The following ADAM10 variants were observed in gnomAD, a reference collection of about 807,000 sequenced individuals.
The protein encoded by ADAM10 is disintegrin and metalloproteinase domain-containing protein 10.
A neutral mutation model predicts 90.1 loss-of-function variants in ADAM10; 17 were observed. That is an observed-to-expected ratio of 0.19 (90% CI 0.13 to 0.28). The LOEUF (loss-of-function observed/expected upper bound fraction) is 0.28, where lower values mean the gene tolerates loss of function less well. ADAM10 is among the 10% of genes least tolerant of loss of function. ADAM10 has a pLI of 1.00. For missense variants in ADAM10, 610 were observed against 914.3 expected (o/e 0.67, Z 4.29); for synonymous variants, 310 against 298.6 (o/e 1.04, Z -0.40).
At chr15:58,648,028 T>G (rs570567004) in intron 5 of ADAM10, among the ~76,000 whole-genome samples, 2 of 152,192 alleles carry the variant, frequency 1.3e-5, no homozygotes, top group African/African-American at 4.8e-5. Context: ...AATAATTCCA[T>G]GTGAACATAC....
Position 58,681,101 on chromosome 15 carries a change from C to T in ADAM10, c.325+1095G>A, listed in dbSNP as rs570168843. Among the ~76,000 whole-genome samples the T allele has an allele frequency of 2.6e-5, 4 of 152,292 alleles. No individual in the cohort carries two copies. The South Asian group carries it at 8.3e-4, about 32-fold the overall frequency. Reference sequence around the variant, plus strand: ...ACTGGGATTACAGGTGTAACTGCTACCATGCCTGGCCTAAATAACATGATT... The same window carrying T: ...ACTGGGATTACAGGTGTAACTGCTATCATGCCTGGCCTAAATAACATGATT... On this transcript the variant is annotated intron_variant, in intron 3 of 15. Coordinates refer to ENST00000260408, the MANE Select transcript of ADAM10 (RefSeq NM_001110.4).
chr15:58,703,079 A>G (rs751845599), intron 2 of ADAM10, among the ~76,000 whole-genome samples: 144 of 152,142 alleles, frequency 9.5e-4, no homozygotes, highest in Non-Finnish European at 1.5e-3. Context: ...CTGTTGGATA[A>G]CATGTCATGA....
chr15:58,598,146 C>T (rs533022698), intron 15 of ADAM10, among the ~76,000 whole-genome samples: 3 of 152,248 alleles, frequency 2.0e-5, no homozygotes, highest in South Asian at 2.1e-4. Context: ...TGATAATTAA[C>T]GTATATAGCC....
At chr15:58,672,784 AG>A in intron 4 of ADAM10, 1 of 109,758 alleles carries the variant, frequency 9.1e-6, no homozygotes, top group Non-Finnish European at 1.7e-5. Context: ...GGCCTCATGC[AG>A]CAAAAAAAAA....
intron 10 of ADAM10, among the ~76,000 whole-genome samples, chr15:58,623,244 CA>C (rs1895841749): frequency 6.6e-6 from 1 of 152,176 alleles, no homozygotes; most frequent in South Asian, 2.1e-4. Context: ...CAAACATATG[CA>C]CTCACATCAG....
chr15:58,689,295 G>A (rs549417280), intron 2 of ADAM10, among the ~76,000 whole-genome samples: 38 of 152,236 alleles, frequency 2.5e-4, no homozygotes, highest in South Asian at 6.2e-4. Flanking sequence ...AGACCAGCCT[G>A]GGCAACATGG....
At chr15:58,734,773 A>C (rs1257451523) in intron 1 of ADAM10, among the ~76,000 whole-genome samples, 2 of 152,098 alleles carry the variant, frequency 1.3e-5, no homozygotes, top group African/African-American at 4.8e-5. Context: ...CCTTTCAAAA[A>C]CTAAACTGAC....
chr15:58,696,684 C>T (rs769893352), intron 2 of ADAM10, among the ~76,000 whole-genome samples: 1 of 152,034 alleles, frequency 6.6e-6, no homozygotes, highest in Non-Finnish European at 1.5e-5. Flanking sequence ...AGGCTAGTCT[C>T]GAACTCCTGA....
chr15:58,692,877 C>A, intron 2 of ADAM10: 1 of 679,902 alleles, frequency 1.5e-6, no homozygotes, highest in Non-Finnish European at 2.8e-6. Flanking sequence ...CAGTACCAGA[C>A]TTGGCAATGG....
intron 2 of ADAM10, among the ~76,000 whole-genome samples, chr15:58,707,588 G>GTC (rs1277147359): frequency 6.6e-6 from 1 of 152,070 alleles, no homozygotes. Context: ...GAACAACAAC[G>GTC]TGAGTCTCAC....
intron 1 of ADAM10, among the ~76,000 whole-genome samples, chr15:58,731,301 T>C (rs1273387367): frequency 6.6e-6 from 1 of 152,074 alleles, no homozygotes; most frequent in Non-Finnish European, 1.5e-5. Flanking sequence ...TTAAGTATTA[T>C]AAGAAATCTG....
At chr15:58,736,083 G>A (rs1197875282) in intron 1 of ADAM10, among the ~76,000 whole-genome samples, 1 of 152,012 alleles carries the variant, frequency 6.6e-6, no homozygotes, top group Non-Finnish European at 1.5e-5. Context: ...TCTATTTGAT[G>A]GATGATTAAT....
intron 5 of ADAM10, among the ~76,000 whole-genome samples, chr15:58,654,280 T>C (rs1896758153): frequency 1.3e-5 from 2 of 152,238 alleles, no homozygotes; most frequent in Admixed American, 6.5e-5. Flanking sequence ...GCATTGTTAG[T>C]GCATTTATTT....
chr15:58,641,331 T>C (rs1026081622), intron 7 of ADAM10, among the ~76,000 whole-genome samples: 1 of 152,206 alleles, frequency 6.6e-6, no homozygotes, highest in Admixed American at 6.5e-5. Flanking sequence ...TCTCCTTTAG[T>C]CCTAATCTCC....
chr15:58,652,605 T>C (rs1452220768), intron 5 of ADAM10, among the ~76,000 whole-genome samples: 1 of 152,208 alleles, frequency 6.6e-6, no homozygotes, highest in Non-Finnish European at 1.5e-5. Context: ...CGTGTCTGTT[T>C]TCATGCCAGT....
intron 2 of ADAM10, among the ~76,000 whole-genome samples, chr15:58,707,083 G>T (rs1487792788): frequency 4.0e-5 from 2 of 49,946 alleles, no homozygotes; most frequent in Middle Eastern, 9.3e-3. Flanking sequence ...ATAAACTTTG[G>T]GGGGGGGAAA....
chr15:58,661,441 T>C (rs1437144466), intron 5 of ADAM10, among the ~76,000 whole-genome samples: 2 of 152,176 alleles, frequency 1.3e-5, no homozygotes, highest in African/African-American at 4.8e-5. Context: ...GTTTGGCAGG[T>C]TTTCTGTCAA....
rs184797020 is a variant in ADAM10, at chr15:58,704,836, G to A, written c.206+12741C>T. Among the ~76,000 whole-genome samples, 617 of 152,258 alleles carry A rather than the reference G, an allele frequency of 4.1e-3. 6 individuals carry two copies. The highest frequency in any genetic ancestry group is 0.014 in the African/African-American group (564 of 41,550). The stretch of plus-strand genomic sequence containing the variant: ...TAATCAAAGGGTATGACTCAAGGTC[G>A]TAAGACTAAAATTAGGAGTAGAACT... On this transcript the variant is annotated intron_variant, in intron 2 of 15. Transcript: ENST00000260408.
At chr15:58,642,826 A>G (rs1452748777) in intron 7 of ADAM10, among the ~76,000 whole-genome samples, 1 of 152,190 alleles carries the variant, frequency 6.6e-6, no homozygotes, top group African/African-American at 2.4e-5. Context: ...AGAATACATG[A>G]AAGCAATTAA....
Sources: allele counts gnomAD v4.1 joint callset (sites outside exome capture counted in the v4.1 genomes callset), GRCh38; gene constraint gnomAD v4.1.1; transcripts MANE v1.5; gene names NCBI Gene and HGNC (gene_info 2026-07-23, HGNC 2026-07-21).